The following WNT7B variants were observed in gnomAD, a reference collection of about 807,000 sequenced individuals.
The protein encoded by WNT7B is Wnt family member 7B.
Under a neutral mutation model 38.2 loss-of-function variants are expected in WNT7B, and 19 were observed. That is an observed-to-expected ratio of 0.50 (90% CI 0.35 to 0.73). The LOEUF is 0.73. Among genes scored for constraint, WNT7B ranks in the 30% least tolerant of loss-of-function variants. The pLI is 0.01. For missense variants in WNT7B, 423 were observed against 507.9 expected (o/e 0.83, Z 1.61); for synonymous variants, 243 against 209.3 (o/e 1.16, Z -1.39).
chr22:45,968,614 C>T (rs999406193), intron 1 of WNT7B, among the ~76,000 whole-genome samples: 6 of 152,224 alleles, frequency 3.9e-5, no homozygotes, highest in Non-Finnish European at 7.3e-5. Context: ...ACCTCCTGTC[C>T]TCCCTCTGCA....
chr22:45,971,669 C>A (rs900000473), intron 1 of WNT7B, among the ~76,000 whole-genome samples: 1 of 152,200 alleles, frequency 6.6e-6, no homozygotes, highest in South Asian at 2.1e-4. Flanking sequence ...ACAGTCCGGG[C>A]GCTGTCCGGT....
intron 1 of WNT7B, among the ~76,000 whole-genome samples, chr22:45,956,149 C>T (rs915922728): frequency 1.2e-4 from 19 of 152,200 alleles, no homozygotes; most frequent in Admixed American, 6.5e-5. Context: ...GCCAGCCCCA[C>T]AGCCCTGGGG....
intron 1 of WNT7B, among the ~76,000 whole-genome samples, chr22:45,963,254 C>T (rs1490461735): frequency 6.6e-6 from 1 of 152,154 alleles, no homozygotes; most frequent in Non-Finnish European, 1.5e-5. Context: ...ATGCATAATT[C>T]CACATCCCCC....
chr22:45,964,258 C>T (rs890683092), intron 1 of WNT7B, among the ~76,000 whole-genome samples: 2 of 152,112 alleles, frequency 1.3e-5, no homozygotes, highest in South Asian at 2.1e-4. Context: ...GGGCCTGTCA[C>T]CCCCAGGAAC....
At chr22:45,939,188 C>T (rs559921341) in intron 2 of WNT7B, among the ~76,000 whole-genome samples, 101 of 152,176 alleles carry the variant, frequency 6.6e-4, no homozygotes, top group Non-Finnish European at 1.2e-3. Context: ...GTGAGATGCT[C>T]GTGGCAGTGT....
intron 1 of WNT7B, among the ~76,000 whole-genome samples, chr22:45,959,095 C>T (rs566463502): frequency 3.9e-5 from 6 of 152,326 alleles, no homozygotes; most frequent in East Asian, 1.9e-4. Flanking sequence ...CAGCTGTCAC[C>T]GCAGAATGAG....
Position 45,976,890 on chromosome 22 carries a change from C to T in WNT7B, c.-136G>A, listed in dbSNP as rs1380551301. The T allele has an allele frequency of 7.0e-6, 7 of 1,001,882 alleles. No individual in the cohort carries two copies. Among genetic ancestry groups the T allele is most frequent in the South Asian group, 9.0e-5 (2 of 22,118 alleles). 62.1% of individuals were successfully genotyped at this position (1,001,882 alleles called of 1,614,324 possible). On this transcript the variant is annotated 5_prime_UTR_variant, in exon 1 of 4. Coordinates refer to ENST00000339464, the MANE Select transcript of WNT7B (RefSeq NM_058238.3). The surrounding 1 kb of genome is among the most constrained non-coding windows in gnomAD (Gnocchi z 8.5). ...GCTGCGGCTCGGGCGGCCGGCGACG[C>T]GCGGGCACTCGGCGCGCGCTGCCAC... is the stretch of plus-strand genomic sequence containing the variant.
rs1569128252 is a variant in WNT7B at position 45,975,361 on chromosome 22, C to G, written c.71+1323G>C. Among the ~76,000 whole-genome samples, 1 of 152,122 alleles carries G rather than the reference C, an allele frequency of 6.6e-6. No individual in the cohort carries two copies. The highest frequency in any genetic ancestry group is 6.5e-5 in the Admixed American group (1 of 15,288). ...CCAGCAGGCTCAATGCCCCGCACCC[C>G]TCACCTCCATAAACAAACACCCAGG... On this transcript the variant is annotated intron_variant, in intron 1 of 3. Coordinates refer to ENST00000339464, the MANE Select transcript of WNT7B (RefSeq NM_058238.3). This position sits in a 1 kb window ranked among gnomAD's most constrained non-coding sequence, Gnocchi z 6.6.
rs376773513 is a variant in WNT7B at position 45,928,805 on chromosome 22, C to T, written c.570+2293G>A. ...AGGGCCCTGCAATGGCACCTGTAGC[C>T]CAGAGACCAACACCACCCTACCCGG... On this transcript the variant is annotated intron_variant, in intron 3 of 3. Coordinates refer to ENST00000339464, the MANE Select transcript of WNT7B (RefSeq NM_058238.3). 2.0e-5 allele frequency among the ~76,000 whole-genome samples: 3 copies of T among 152,300 alleles called. No individual in the cohort carries two copies. In the South Asian group the frequency reaches 6.2e-4, roughly 32 times the overall value.
At position 45,965,899 on chromosome 22, in the gene WNT7B, C is replaced by T. The variant is rs988694781; in HGVS notation, c.71+10785G>A. 2.0e-5 allele frequency among the ~76,000 whole-genome samples: 3 copies of T among 152,170 alleles called. No individual in the cohort carries two copies. The highest frequency in any genetic ancestry group is 2.9e-5 in the Non-Finnish European group (2 of 68,036). ...AGGAAACGGGACACGCAACAGAGCC[C>T]GCCCAAGGCTGGAAACCCGCCTTAG... is the stretch of plus-strand genomic sequence containing the variant. On this transcript the variant is annotated intron_variant, in intron 1 of 3. Coordinates refer to ENST00000339464, the MANE Select transcript of WNT7B (RefSeq NM_058238.3). The surrounding 1 kb of genome is among the most constrained non-coding windows in gnomAD (Gnocchi z 6.5).
chr22:45,972,125 C>G, intron 1 of WNT7B: 1 of 544,108 alleles, frequency 1.8e-6, no homozygotes, highest in Non-Finnish European at 3.3e-6. Context: ...AGCCCACCCG[C>G]CCACCCCGCA....
At chr22:45,942,922 G>GTGTGTGCA (rs1569116836) in intron 2 of WNT7B, among the ~76,000 whole-genome samples, 8 of 149,400 alleles carry the variant, frequency 5.4e-5, no homozygotes, top group African/African-American at 2.0e-4. Context: ...CAGTGTGCAC[G>GTGTGTGCA]TGTGTGCATG....
intron 2 of WNT7B, among the ~76,000 whole-genome samples, chr22:45,933,604 A>T (rs1931435155): frequency 6.6e-6 from 1 of 152,076 alleles, no homozygotes; most frequent in African/African-American, 2.4e-5. Flanking sequence ...GATCCCAGTA[A>T]AGGGTGGAGA....
At position 45,951,430 on chromosome 22, in the gene WNT7B, G is replaced by A. The variant is rs1396240073; in HGVS notation, c.72-1284C>T. 6.7e-6 allele frequency among the ~76,000 whole-genome samples: 1 copy of A among 149,960 alleles called. No homozygotes were observed. Among genetic ancestry groups the A allele is most frequent in the Non-Finnish European group, 1.5e-5 (1 of 67,964 alleles). ...CCCATAACATAAAATGAACCATTTT[G>A]AAGTGTACAGTTCTGTGGCATTTAA... On this transcript the variant is annotated intron_variant, in intron 1 of 3. Transcript: ENST00000339464. This position sits in a 1 kb window ranked among gnomAD's most constrained non-coding sequence, Gnocchi z 4.8.
intron 3 of WNT7B, among the ~76,000 whole-genome samples, chr22:45,929,740 C>T (rs553387979): frequency 9.7e-4 from 145 of 149,926 alleles, no homozygotes; most frequent in South Asian, 5.9e-3. Context: ...ATCCACCCAC[C>T]GATCCATCCT....
intron 1 of WNT7B, chr22:45,972,116 G>GGGGGGGGGGGGCCCC: frequency 1.9e-6 from 1 of 530,746 alleles, no homozygotes; most frequent in South Asian, 2.3e-5. Flanking sequence ...CCCGGGGGGA[G>GGGGGGGGGGGGCCCC]CCCACCCGCC....
intron 2 of WNT7B, among the ~76,000 whole-genome samples, chr22:45,942,346 C>A (rs918819412): frequency 2.0e-5 from 3 of 152,232 alleles, no homozygotes; most frequent in African/African-American, 7.2e-5. Context: ...CCCCAGCCTG[C>A]CCTTTGACCC....
At chr22:45,972,116 G>GGGGGCCCCCCCCCCCCCCCCCCCCCCCCC in intron 1 of WNT7B, 3 of 530,742 alleles carry the variant, frequency 5.7e-6, no homozygotes, top group Non-Finnish European at 9.9e-6. Context: ...CCCGGGGGGA[G>GGGGGCCCCCCCCCCCCCCCCCCCCCCCCC]CCCACCCGCC....
At chr22:45,942,380 G>T (rs1179615602) in intron 2 of WNT7B, among the ~76,000 whole-genome samples, 1 of 152,242 alleles carries the variant, frequency 6.6e-6, no homozygotes, top group Non-Finnish European at 1.5e-5. Flanking sequence ...GTCCCAGGGG[G>T]ACAACTCACT....
Sources: allele counts gnomAD v4.1 joint callset (sites outside exome capture counted in the v4.1 genomes callset), GRCh38; gene constraint gnomAD v4.1.1; non-coding constraint Gnocchi (gnomAD v3.1); transcripts MANE v1.5; gene names NCBI Gene and HGNC (gene_info 2026-07-23, HGNC 2026-07-21).